Variants in ANKS1B observed in about 807,000 individuals in gnomAD.
The protein encoded by ANKS1B is ankyrin repeat and sterile alpha motif domain containing 1B, also known as ankyrin repeat and sterile alpha motif domain-containing protein 1B.
ANKS1B carries 36 observed loss-of-function variants against 148.3 expected under a neutral mutation model. That is an observed-to-expected ratio of 0.24 (90% CI 0.19 to 0.32). The LOEUF (loss-of-function observed/expected upper bound fraction) is 0.32. Ranked by LOEUF, ANKS1B falls within the 10% of genes least tolerant of loss-of-function variation. The probability of loss-of-function intolerance (pLI) is 1.00; values close to 1 mark genes in which losing one functional copy is unlikely to be tolerated. For synonymous variants in ANKS1B, 542 were observed against 560.8 expected (o/e 0.97, Z 0.47); for missense variants, 1,157 against 1,542.6 (o/e 0.75, Z 4.19).
intron 9 of ANKS1B, among the ~76,000 whole-genome samples, chr12:99,587,067 G>A (rs920206522): frequency 1.3e-5 from 2 of 152,116 alleles, no homozygotes; most frequent in Admixed American, 1.3e-4. Flanking sequence ...TAGACAAAGT[G>A]GGAGCTAGGA....
intron 1 of ANKS1B, among the ~76,000 whole-genome samples, chr12:99,826,293 C>G (rs1282151404): frequency 6.6e-6 from 1 of 152,060 alleles, no homozygotes; most frequent in East Asian, 1.9e-4. Context: ...GATAGACACA[C>G]AAGCTAATAA....
At chr12:99,648,586 C>T in intron 9 of ANKS1B, 1 of 1,614,210 alleles carries the variant, frequency 6.2e-7, no homozygotes, top group Non-Finnish European at 8.5e-7. Flanking sequence ...AAAAAAACAG[C>T]TCCACCTGAA....
chr12:99,000,587 G>T (rs1283841640), intron 17 of ANKS1B, among the ~76,000 whole-genome samples: 1 of 152,068 alleles, frequency 6.6e-6, no homozygotes, highest in Non-Finnish European at 1.5e-5. Context: ...CTTTTTTAAA[G>T]AAAATTTTAT....
intron 8 of ANKS1B, among the ~76,000 whole-genome samples, chr12:99,713,803 A>G (rs2056945005): frequency 6.6e-6 from 1 of 152,168 alleles, no homozygotes; most frequent in African/African-American, 2.4e-5. Context: ...TGTTCACAGA[A>G]ATCTAGGCTT....
intron 1 of ANKS1B, among the ~76,000 whole-genome samples, chr12:99,960,868 T>G (rs149323855): frequency 6.6e-6 from 1 of 152,142 alleles, no homozygotes; most frequent in Non-Finnish European, 1.5e-5. Context: ...GTTACAGCAT[T>G]GCTATTAACA....
chr12:98,832,706 C>T (rs941943055), intron 17 of ANKS1B, among the ~76,000 whole-genome samples: 7 of 152,056 alleles, frequency 4.6e-5, no homozygotes, highest in African/African-American at 1.7e-4. Context: ...AAGGTCCTCC[C>T]CCGCCTCCTT....
intron 15 of ANKS1B, among the ~76,000 whole-genome samples, chr12:99,100,807 G>T (rs1015982438): frequency 1.3e-5 from 2 of 152,218 alleles, no homozygotes; most frequent in African/African-American, 4.8e-5. Flanking sequence ...TGGGATTACA[G>T]GCGTCAGCCA....
At chr12:99,414,032 G>C (rs978824813) in intron 11 of ANKS1B, among the ~76,000 whole-genome samples, 1 of 151,992 alleles carries the variant, frequency 6.6e-6, no homozygotes, top group Non-Finnish European at 1.5e-5. Flanking sequence ...CAAGCCCAGG[G>C]CTTTCTGAGA....
intron 17 of ANKS1B, chr12:98,895,379 TGAC>T: frequency 1.1e-6 from 1 of 919,312 alleles, no homozygotes; most frequent in African/African-American, 1.8e-5. Flanking sequence ...GGTGCCCAGG[TGAC>T]CGGCTCGGCA....
intron 12 of ANKS1B, among the ~76,000 whole-genome samples, chr12:99,303,871 C>T (rs1210052456): frequency 6.6e-6 from 1 of 152,116 alleles, no homozygotes; most frequent in Non-Finnish European, 1.5e-5. Flanking sequence ...TAAGTGAGAA[C>T]ATATGATGTT....
intron 17 of ANKS1B, among the ~76,000 whole-genome samples, chr12:99,035,473 T>C (rs920720298): frequency 6.6e-6 from 1 of 152,182 alleles, no homozygotes; most frequent in Non-Finnish European, 1.5e-5. Context: ...TCCAATAATA[T>C]TTCGGCACAG....
intron 12 of ANKS1B, among the ~76,000 whole-genome samples, chr12:99,279,534 G>C (rs567080470): frequency 6.6e-6 from 1 of 152,194 alleles, no homozygotes; most frequent in South Asian, 2.1e-4. Context: ...GCCTATTCTA[G>C]ACACTTCATA....
intron 8 of ANKS1B, among the ~76,000 whole-genome samples, chr12:99,759,930 G>C (rs1284473687): frequency 7.0e-6 from 1 of 143,056 alleles, no homozygotes; most frequent in Non-Finnish European, 1.5e-5. Flanking sequence ...TCAAGTTAGA[G>C]ATTATAAAGA....
intron 18 of ANKS1B, chr12:98,830,950 T>A (rs1224790089): frequency 7.8e-6 from 1 of 128,910 alleles, no homozygotes; most frequent in East Asian, 2.4e-4. Context: ...ATTTTTTTTT[T>A]TTTTTTTTTT....
intron 1 of ANKS1B, among the ~76,000 whole-genome samples, chr12:99,968,540 A>G (rs1013315642): frequency 3.3e-5 from 5 of 150,760 alleles, no homozygotes. Flanking sequence ...CCTGGGCAAA[A>G]GACCGAGCCT....
intron 1 of ANKS1B, among the ~76,000 whole-genome samples, chr12:99,849,558 A>G (rs1300826708): frequency 6.6e-6 from 1 of 152,194 alleles, no homozygotes; most frequent in Non-Finnish European, 1.5e-5. Context: ...ACTAAAAAAC[A>G]TGTACAAGCA....
rs1298751421 is a variant in ANKS1B at position 98,850,941 on chromosome 12, T to C, written c.2779-18805A>G. 2.6e-5 allele frequency among the ~76,000 whole-genome samples: 4 copies of C among 152,302 alleles called. No individual in the cohort carries two copies. The East Asian group carries it at 5.8e-4, about 22-fold the overall frequency. On this transcript the variant is annotated intron_variant, in intron 17 of 26. Transcript: ENST00000683438. ...GAGTTCTATTACTTTTGCTACCTAA[T>C]ATGCAAAACACTAAAGGAAGAGGGC...
At chr12:98,841,117 T>C (rs1303356728) in intron 17 of ANKS1B, among the ~76,000 whole-genome samples, 1 of 152,202 alleles carries the variant, frequency 6.6e-6, no homozygotes, top group Non-Finnish European at 1.5e-5. Context: ...CTAACGAGGG[T>C]ATTTTCTAAC....
intron 19 of ANKS1B, among the ~76,000 whole-genome samples, chr12:98,823,168 A>G (rs1326130068): frequency 6.6e-6 from 1 of 152,230 alleles, no homozygotes; most frequent in Non-Finnish European, 1.5e-5. Context: ...GATATCATCA[A>G]CATTCCAGAT....
Sources: gnomAD v4.1 joint callset for allele counts (sites outside exome capture counted in the v4.1 genomes callset) on GRCh38, gnomAD v4.1.1 for gene constraint, MANE v1.5 for transcripts, NCBI Gene and HGNC (gene_info 2026-07-23, HGNC 2026-07-21) for gene names.